The following CPS1 variants were observed in gnomAD, a reference collection of about 807,000 sequenced individuals.
CPS1 encodes carbamoyl-phosphate synthase [ammonia], mitochondrial.
A neutral mutation model predicts 174.6 loss-of-function variants in CPS1; 109 were observed. The observed-to-expected ratio is 0.62, with a 90% CI of 0.53 to 0.73. CPS1 has a LOEUF of 0.73. Among genes scored for constraint, CPS1 ranks in the 30% least tolerant of loss-of-function variants. The pLI, the probability that CPS1 is intolerant of heterozygous loss-of-function variation, is 0.00. For missense variants in CPS1, 1,689 were observed against 1,821.9 expected (o/e 0.93, Z 1.33); for synonymous variants, 637 against 632.0 (o/e 1.01, Z -0.12).
intron 1 of CPS1, among the ~76,000 whole-genome samples, chr2:210,572,582 G>T (rs1362460935): frequency 2.6e-5 from 4 of 151,974 alleles, no homozygotes; most frequent in Admixed American, 1.3e-4. Flanking sequence ...GTAGACACTG[G>T]CTCAAAGATT....
At position 210,513,137 on chromosome 2, in the gene CPS1, T is replaced by C. The variant is rs900286361; in HGVS notation, c.3+35371T>C. Among the ~76,000 whole-genome samples, 3 of 143,388 alleles carry C rather than the reference T, an allele frequency of 2.1e-5. 1 individual carries two copies. The highest frequency in any genetic ancestry group is 5.1e-5 in the African/African-American group (2 of 39,298). 94.1% of individuals were successfully genotyped at this position (143,388 alleles called of 152,430 possible). A position where few individuals can be genotyped will look rare whatever the true frequency, so the allele number is the denominator to read the frequency against. ...ATATGGAGATATATATATATGGAGA[T>C]ATATATATGGGGAGATATATATATA... On this transcript the variant is annotated intron_variant, in intron 1 of 38. Transcript: ENST00000430249.
chr2:210,600,471 A>G, intron 14 of CPS1, 84 bp from the exon 15 acceptor site: 1 of 1,353,072 alleles, frequency 7.4e-7, no homozygotes, highest in South Asian at 1.2e-5. Context: ...TTTAAGATTA[A>G]AAAAGTAGTT....
At chr2:210,544,843 A>T (rs1343566058) in intron 1 of CPS1, among the ~76,000 whole-genome samples, 1 of 152,056 alleles carries the variant, frequency 6.6e-6, no homozygotes, top group Non-Finnish European at 1.5e-5. Flanking sequence ...GAATGTATTT[A>T]CTGAGGAAAT....
chr2:210,497,846 T>A (rs1235011106), intron 1 of CPS1, among the ~76,000 whole-genome samples: 1 of 147,144 alleles, frequency 6.8e-6, no homozygotes, highest in African/African-American at 2.5e-5. Flanking sequence ...AGTGCTGCAA[T>A]AAATATGTGC....
chr2:210,631,292 A>G (rs1282086524), intron 21 of CPS1: 1 of 152,122 alleles, frequency 6.6e-6, no homozygotes, highest in African/African-American at 2.4e-5. Flanking sequence ...GCCAGGTGAA[A>G]ATTTCCTCAT....
intron 1 of CPS1, chr2:210,477,817 G>A (rs1694437033): frequency 4.4e-6 from 7 of 1,600,506 alleles, no homozygotes; most frequent in Non-Finnish European, 4.3e-6. Context: ...GGTGTTTGAA[G>A]GAGCAACTCA....
chr2:210,519,665 A>C, intron 1 of CPS1: 3 of 758,652 alleles, frequency 4.0e-6, no homozygotes, highest in Non-Finnish European at 4.8e-6. Context: ...TTGCATCTAG[A>C]CACAGGCACG....
At chr2:210,498,878 C>T (rs904116598) in intron 1 of CPS1, among the ~76,000 whole-genome samples, 4 of 152,128 alleles carry the variant, frequency 2.6e-5, no homozygotes, top group South Asian at 2.1e-4. Flanking sequence ...ATAACAGGTA[C>T]TCTTACTGCT....
At chr2:210,634,754 A>G (rs368140099) in intron 21 of CPS1, among the ~76,000 whole-genome samples, 7 of 152,290 alleles carry the variant, frequency 4.6e-5, no homozygotes, top group Admixed American at 3.3e-4. Context: ...TACAGGCAGG[A>G]CAGGTCTGAT....
At chr2:210,662,218 C>T (rs1347437986) in intron 32 of CPS1, among the ~76,000 whole-genome samples, 2 of 152,088 alleles carry the variant, frequency 1.3e-5, no homozygotes, top group South Asian at 2.1e-4. Flanking sequence ...TTTAAATGCA[C>T]TGTATCTTCT....
rs2371012 is a variant in CPS1, at chr2:210,660,961, T to C, written c.3927+306T>C. Among the ~76,000 whole-genome samples, 626 of 152,342 alleles carry C rather than the reference T, an allele frequency of 4.1e-3. 6 individuals carry two copies. Among genetic ancestry groups the C allele is most frequent in the African/African-American group, 0.014 (591 of 41,582 alleles). ...TGCTAGTTTAGCTGGTAAATAGAAA[T>C]CCAGGACACACCTTGTTAGGATAAA... On this transcript the variant is annotated intron_variant, in intron 32 of 37. Coordinates refer to ENST00000233072, the MANE Select transcript of CPS1 (RefSeq NM_001875.5).
chr2:210,658,373 G>C (rs1700793024), intron 30 of CPS1: 1 of 470,016 alleles, frequency 2.1e-6, no homozygotes, highest in African/African-American at 2.0e-5. Context: ...AGATAATCGT[G>C]TACAATTATT....
intron 1 of CPS1, among the ~76,000 whole-genome samples, chr2:210,478,914 C>A (rs1305923041): frequency 1.6e-4 from 6 of 38,172 alleles, no homozygotes; most frequent in Admixed American, 4.3e-4. Flanking sequence ...CCTCCCTCCT[C>A]CCCCCTCCCC....
At chr2:210,624,311 A>G (rs1699630108) in intron 21 of CPS1, among the ~76,000 whole-genome samples, 1 of 152,104 alleles carries the variant, frequency 6.6e-6, no homozygotes, top group African/African-American at 2.4e-5. Context: ...TCATGCAGCT[A>G]GCTGAATATA....
At chr2:210,640,381 A>G (rs1360333770) in intron 24 of CPS1, among the ~76,000 whole-genome samples, 2 of 152,190 alleles carry the variant, frequency 1.3e-5, no homozygotes, top group South Asian at 2.1e-4. Context: ...ATCTTCTAGC[A>G]TAGTTTTTCA....
intron 1 of CPS1, among the ~76,000 whole-genome samples, chr2:210,567,990 G>A (rs548238457): frequency 3.3e-5 from 5 of 152,282 alleles, no homozygotes; most frequent in Admixed American, 2.6e-4. Flanking sequence ...CACCAACTGT[G>A]TAGTGAGAAC....
At chr2:210,658,523 A>AG (rs1700799140) in intron 30 of CPS1, 76 bp from the exon 31 acceptor site, 2 of 1,078,046 alleles carry the variant, frequency 1.9e-6, no homozygotes. Flanking sequence ...AATTTAAGGT[A>AG]CTGTGCCTTT....
chr2:210,530,071 G>T (rs939539016), intron 1 of CPS1, among the ~76,000 whole-genome samples: 5 of 151,938 alleles, frequency 3.3e-5, no homozygotes, highest in Non-Finnish European at 7.4e-5. Flanking sequence ...CTTGGTAAGG[G>T]TTACCACTTT....
At chr2:210,561,690 G>A (rs186190202) in intron 1 of CPS1, among the ~76,000 whole-genome samples, 4 of 152,268 alleles carry the variant, frequency 2.6e-5, no homozygotes, top group South Asian at 2.1e-4. Flanking sequence ...ACGGAGGCCC[G>A]AAAAAAGCTG....
Sources: gnomAD v4.1 joint callset for allele counts (sites outside exome capture counted in the v4.1 genomes callset) on GRCh38, gnomAD v4.1.1 for gene constraint, MANE v1.5 for transcripts, NCBI Gene and HGNC (gene_info 2026-07-23, HGNC 2026-07-21) for gene names.